SLC8A1: variants seen among roughly 807,000 people sequenced by gnomAD.
SLC8A1 encodes sodium/calcium exchanger 1.
Under a neutral mutation model 68.3 loss-of-function variants are expected in SLC8A1, and 18 were observed. That is an observed-to-expected ratio of 0.26 (90% CI 0.18 to 0.39). The LOEUF is 0.39. Ranked by LOEUF, SLC8A1 falls within the 10% of genes least tolerant of loss-of-function variation. The probability of loss-of-function intolerance (pLI) is 1.00; values close to 1 mark genes in which losing one functional copy is unlikely to be tolerated. For synonymous variants in SLC8A1, 475 were observed against 415.5 expected, an observed-to-expected ratio of 1.14 and a Z score of -1.74; for missense variants, 985 against 1,156.7, an observed-to-expected ratio of 0.85 and a Z score of 2.15.
intron 7 of SLC8A1, among the ~76,000 whole-genome samples, chr2:40,131,380 A>G (rs1464628498): frequency 6.6e-6 from 1 of 152,224 alleles, no homozygotes; most frequent in Non-Finnish European, 1.5e-5. Flanking sequence ...AGAACAACAC[A>G]TCTATTTGAA....
At chr2:40,392,273 C>A (rs1475232972) in intron 2 of SLC8A1, among the ~76,000 whole-genome samples, 1 of 149,420 alleles carries the variant, frequency 6.7e-6, no homozygotes, top group Non-Finnish European at 1.5e-5. Flanking sequence ...AGCAAGCAAG[C>A]AAGAAAACCT....
intron 2 of SLC8A1, among the ~76,000 whole-genome samples, chr2:40,372,837 A>G (rs906892497): frequency 1.3e-5 from 2 of 152,076 alleles, no homozygotes; most frequent in African/African-American, 4.8e-5. Flanking sequence ...GTGGAAAGTC[A>G]TTATCTCTGG....
chr2:40,226,575 A>G (rs759466619), intron 2 of SLC8A1, among the ~76,000 whole-genome samples: 1 of 152,130 alleles, frequency 6.6e-6, no homozygotes, highest in Non-Finnish European at 1.5e-5. Context: ...GATTCTGGAA[A>G]GGGTCTAGAT....
intron 2 of SLC8A1, among the ~76,000 whole-genome samples, chr2:40,400,953 G>C (rs1298135623): frequency 6.6e-6 from 1 of 151,976 alleles, no homozygotes; most frequent in Non-Finnish European, 1.5e-5. Flanking sequence ...GAGAGGAGGA[G>C]AAAAAGGAAG....
At position 40,277,794 on chromosome 2, in the gene SLC8A1, G is replaced by GTGTATATATA. The variant is rs907874659; in HGVS notation, c.1809-99940_1809-99939insTATATATACA. Among the ~76,000 whole-genome samples, 45 of 108,022 alleles carry GTGTATATATA rather than the reference G, an allele frequency of 4.2e-4. 1 individual carries two copies. Among genetic ancestry groups the GTGTATATATA allele is most frequent in the East Asian group, 1.1e-3 (3 of 2,812 alleles). 70.9% of individuals were successfully genotyped at this position (108,022 alleles called of 152,430 possible). A position where few individuals can be genotyped will look rare whatever the true frequency, so the allele number is the denominator to read the frequency against. Reference sequence around the variant, plus strand: ...TATGTATAAATATATATATATGTGTGTATATATATATATATATATATATAT... The same window carrying GTGTATATATA: ...TATGTATAAATATATATATATGTGTGTGTATATATATATATATATATATATATATATATAT... On this transcript the variant is annotated intron_variant, in intron 2 of 7. Coordinates refer to ENST00000406785, the Ensembl canonical transcript of SLC8A1.
chr2:40,207,096 G>C (rs1220947970), intron 2 of SLC8A1, among the ~76,000 whole-genome samples: 2 of 151,966 alleles, frequency 1.3e-5, no homozygotes, highest in Admixed American at 1.3e-4. Context: ...AATAAAATTT[G>C]TACGTGGTAA....
intron 2 of SLC8A1, among the ~76,000 whole-genome samples, chr2:40,377,219 A>G (rs536378813): frequency 5.7e-4 from 87 of 152,210 alleles, no homozygotes; most frequent in African/African-American, 2.0e-3. Context: ...ACTCAAAGAC[A>G]TTCTCCAGTT....
intron 2 of SLC8A1, among the ~76,000 whole-genome samples, chr2:40,295,913 CAGG>C (rs1196169055): frequency 6.6e-6 from 1 of 152,004 alleles, no homozygotes. Flanking sequence ...CCTTTGTGAG[CAGG>C]AGGAGAAGGG....
chr2:40,386,621 CAA>C lies in SLC8A1; in HGVS notation c.1808+41850_1808+41851del, dbSNP rs76213179. On this transcript the variant is annotated intron_variant, in intron 2 of 7. Coordinates refer to ENST00000406785, the Ensembl canonical transcript of SLC8A1. ...TAATTACTTGATGAAATTTAAAAAT[CAA>C]AAAAAAAAATAAAGGGAAAACAATG... Among the ~76,000 whole-genome samples, 190 of 127,172 alleles carry C rather than the reference CAA, an allele frequency of 1.5e-3. 1 individual carries two copies. Among genetic ancestry groups the C allele is most frequent in the Middle Eastern group, 4.0e-3 (1 of 250 alleles). 83.4% of individuals were successfully genotyped at this position (127,172 alleles called of 152,430 possible).
chr2:40,130,299 T>C (rs536471360), intron 7 of SLC8A1, among the ~76,000 whole-genome samples: 1 of 152,342 alleles, frequency 6.6e-6, no homozygotes, highest in South Asian at 2.1e-4. Flanking sequence ...ATCTTGTAAA[T>C]TCTGGTTGCT....
intron 2 of SLC8A1, among the ~76,000 whole-genome samples, chr2:40,360,744 T>A (rs1035674323): frequency 2.0e-5 from 3 of 152,224 alleles, no homozygotes; most frequent in Non-Finnish European, 4.4e-5. Flanking sequence ...TCAACCCCTA[T>A]GAGACAGAGC....
At chr2:40,206,365 G>T (rs1243038551) in intron 2 of SLC8A1, among the ~76,000 whole-genome samples, 1 of 151,992 alleles carries the variant, frequency 6.6e-6, no homozygotes, top group Non-Finnish European at 1.5e-5. Context: ...ATTTGATCAA[G>T]CTATTGTCAC....
chr2:40,449,566 T>C (rs936165660), intron 1 of SLC8A1, among the ~76,000 whole-genome samples: 1 of 152,216 alleles, frequency 6.6e-6, no homozygotes, highest in African/African-American at 2.4e-5. Flanking sequence ...TGTAATTTTA[T>C]TGGGAGTCAA....
At chr2:40,487,802 T>G (rs978948859) in intron 1 of SLC8A1, among the ~76,000 whole-genome samples, 3 of 152,144 alleles carry the variant, frequency 2.0e-5, no homozygotes, top group Admixed American at 6.6e-5. Context: ...AAGGCCAAGC[T>G]GGGTTGCATA....
intron 2 of SLC8A1, among the ~76,000 whole-genome samples, chr2:40,234,937 C>G (rs1234886303): frequency 6.6e-6 from 1 of 151,986 alleles, no homozygotes; most frequent in East Asian, 1.9e-4. Context: ...GCCTTGCATC[C>G]CAGGGATGAA....
chr2:40,306,949 G>C (rs79519157), intron 2 of SLC8A1, among the ~76,000 whole-genome samples: 34 of 152,092 alleles, frequency 2.2e-4, no homozygotes, highest in East Asian at 1.7e-3. Context: ...TATAGTAAAG[G>C]CTTGTTCTGT....
intron 2 of SLC8A1, among the ~76,000 whole-genome samples, chr2:40,320,145 G>T (rs115067949): frequency 6.6e-6 from 1 of 152,018 alleles, no homozygotes; most frequent in African/African-American, 2.4e-5. Context: ...GTCTCTCACA[G>T]CCTGTATAGT....
intron 2 of SLC8A1, among the ~76,000 whole-genome samples, chr2:40,253,134 TATGTATATGTATATACATAC>T (rs1203192255): frequency 9.2e-6 from 1 of 108,704 alleles, no homozygotes; most frequent in Non-Finnish European, 1.8e-5. Context: ...TACACGTATA[TATGTATATGTATATACATAC>T]ATATATATGT....
intron 1 of SLC8A1, among the ~76,000 whole-genome samples, chr2:40,434,401 G>A (rs947394302): frequency 1.3e-5 from 2 of 152,112 alleles, no homozygotes; most frequent in Admixed American, 6.5e-5. Flanking sequence ...TGGAATAGAT[G>A]TTATCTAAAT....
Sources: gnomAD v4.1 joint callset for allele counts (sites outside exome capture counted in the v4.1 genomes callset) on GRCh38, gnomAD v4.1.1 for gene constraint, MANE v1.5 for transcripts, NCBI Gene and HGNC (gene_info 2026-07-23, HGNC 2026-07-21) for gene names.